Variants in HIVEP3 observed in about 807,000 individuals in gnomAD.
HIVEP3 encodes transcription factor HIVEP3.
HIVEP3 carries 49 observed loss-of-function variants against 152.8 expected under a neutral mutation model. The ratio of observed to expected loss-of-function variants is 0.32; its 90% CI spans 0.26 to 0.41. HIVEP3 has a LOEUF of 0.41. Ranked by LOEUF, HIVEP3 falls within the 10% of genes least tolerant of loss-of-function variation. The pLI, the probability that HIVEP3 is intolerant of heterozygous loss-of-function variation, is 1.00. For synonymous variants in HIVEP3, 1,269 were observed against 1,289.0 expected (o/e 0.98, Z 0.33); for missense variants, 2,790 against 3,103.3 (o/e 0.90, Z 2.40).
chr1:41,609,287 G>A (rs1241198094), intron 3 of HIVEP3, among the ~76,000 whole-genome samples: 1 of 152,186 alleles, frequency 6.6e-6, no homozygotes, highest in Non-Finnish European at 1.5e-5. Flanking sequence ...CACTTCTGAT[G>A]TTCCTGAACC....
intron 1 of HIVEP3, among the ~76,000 whole-genome samples, chr1:41,798,250 G>A (rs1268768259): frequency 6.6e-6 from 1 of 150,992 alleles, no homozygotes; most frequent in Non-Finnish European, 1.5e-5. Context: ...TAACAAACCT[G>A]CACATTGTGC....
intron 1 of HIVEP3, among the ~76,000 whole-genome samples, chr1:41,958,548 CG>C (rs34684359): frequency 6.6e-6 from 1 of 152,146 alleles, no homozygotes; most frequent in Non-Finnish European, 1.5e-5. Flanking sequence ...TGAGCAGGGC[CG>C]GGGGTCACAA....
chr1:41,803,497 C>A (rs1650423158), intron 1 of HIVEP3, among the ~76,000 whole-genome samples: 1 of 152,198 alleles, frequency 6.6e-6, no homozygotes, highest in Non-Finnish European at 1.5e-5. Flanking sequence ...CCTGACATGT[C>A]TGCAAAGTGA....
chr1:41,950,151 G>A (rs1429112669), intron 1 of HIVEP3, among the ~76,000 whole-genome samples: 1 of 152,178 alleles, frequency 6.6e-6, no homozygotes, highest in East Asian at 1.9e-4. Flanking sequence ...GGCAAAAACA[G>A]GAGGTAAAGA....
intron 2 of HIVEP3, among the ~76,000 whole-genome samples, chr1:41,631,484 G>A: frequency 6.6e-6 from 1 of 152,186 alleles, no homozygotes; most frequent in East Asian, 1.9e-4. Context: ...CTGGGGCACT[G>A]TTACCTTTCT....
intron 2 of HIVEP3, among the ~76,000 whole-genome samples, chr1:41,671,716 C>T (rs868326924): frequency 2.6e-5 from 4 of 152,192 alleles, no homozygotes; most frequent in African/African-American, 7.2e-5. Flanking sequence ...GCGCAGACCC[C>T]GAAGAATTCA....
At chr1:41,738,809 TG>T (rs1343200720) in intron 1 of HIVEP3, among the ~76,000 whole-genome samples, 2 of 148,546 alleles carry the variant, frequency 1.3e-5, no homozygotes, top group African/African-American at 5.0e-5. Context: ...CCACCATAAA[TG>T]CCCGCCTCCC....
chr1:41,675,553 G>A (rs1353440694), intron 2 of HIVEP3, among the ~76,000 whole-genome samples: 3 of 152,192 alleles, frequency 2.0e-5, no homozygotes, highest in African/African-American at 4.8e-5. Context: ...AGATGAGAGT[G>A]ACATGTATGT....
intron 1 of HIVEP3, among the ~76,000 whole-genome samples, chr1:41,878,764 C>A (rs1179443698): frequency 7.1e-6 from 1 of 139,892 alleles, no homozygotes; most frequent in Admixed American, 7.1e-5. Context: ...CTTCCTCCCT[C>A]CTCCTCCCTC....
chr1:41,951,386 T>G (rs1268655587), intron 1 of HIVEP3, among the ~76,000 whole-genome samples: 1 of 152,132 alleles, frequency 6.6e-6, no homozygotes, highest in Non-Finnish European at 1.5e-5. Context: ...TAAGCCTAAA[T>G]AGTGTTTATG....
At chr1:41,543,782 G>C (rs1012005368) in intron 5 of HIVEP3, 1 of 152,236 alleles carries the variant, frequency 6.6e-6, no homozygotes, top group Non-Finnish European at 1.5e-5. Flanking sequence ...TGCTATAGAC[G>C]TGGCTCTTTG....
At chr1:41,922,308 A>T (rs1644945783), upstream of HIVEP3, among the ~76,000 whole-genome samples, 1 of 152,362 alleles carries the variant, frequency 6.6e-6, no homozygotes, top group South Asian at 2.1e-4. Context: ...ACACTATGCT[A>T]AAAGACACTG....
chr1:41,641,655 C>T (rs1645374580), intron 2 of HIVEP3, among the ~76,000 whole-genome samples: 1 of 152,188 alleles, frequency 6.6e-6, no homozygotes. Flanking sequence ...TATGTGGGCT[C>T]TGGTTTCGAG....
intron 5 of HIVEP3, among the ~76,000 whole-genome samples, chr1:41,570,220 G>A (rs1199154241): frequency 1.3e-5 from 2 of 152,186 alleles, no homozygotes; most frequent in African/African-American, 4.8e-5. Context: ...CACTGAAGAT[G>A]GTGAGAAAGT....
At chr1:41,638,283 AGG>A (rs377145767) in intron 2 of HIVEP3, among the ~76,000 whole-genome samples, 7,823 of 124,750 alleles carry the variant, frequency 0.063, 274 homozygotes, top group African/African-American at 0.095. Context: ...AGAAAGAAAG[AGG>A]AAGGAAGGAA....
chr1:42,004,372 T>C (rs192301004), intron 1 of HIVEP3, among the ~76,000 whole-genome samples: 1 of 152,362 alleles, frequency 6.6e-6, no homozygotes, highest in Admixed American at 6.5e-5. Context: ...GATTTAATTA[T>C]GTTTGCACAT....
intron 5 of HIVEP3, among the ~76,000 whole-genome samples, chr1:41,547,377 A>T (rs919197659): frequency 6.6e-6 from 1 of 152,206 alleles, no homozygotes; most frequent in South Asian, 2.1e-4. Flanking sequence ...GTTGACAAGC[A>T]GGCAGTGGCA....
At chr1:41,872,035 C>T (rs1644089862) in intron 1 of HIVEP3, among the ~76,000 whole-genome samples, 1 of 152,070 alleles carries the variant, frequency 6.6e-6, no homozygotes, top group South Asian at 2.1e-4. Flanking sequence ...AATGTATATA[C>T]CCAAGTAACC....
chr1:41,946,999 C>A (rs1645078681), intron 1 of HIVEP3, among the ~76,000 whole-genome samples: 1 of 152,122 alleles, frequency 6.6e-6, no homozygotes, highest in Non-Finnish European at 1.5e-5. Context: ...CTGTGCTTTC[C>A]CAAATACCAG....
Sources: allele counts gnomAD v4.1 joint callset (sites outside exome capture counted in the v4.1 genomes callset), GRCh38; gene constraint gnomAD v4.1.1; transcripts MANE v1.5; gene names NCBI Gene and HGNC (gene_info 2026-07-23, HGNC 2026-07-21).